The following FOXP2 variants were observed in gnomAD, a reference collection of about 807,000 sequenced individuals.
FOXP2 encodes the protein forkhead box P2.
Under a neutral mutation model 115.8 loss-of-function variants are expected in FOXP2, and 12 were observed. That is an observed-to-expected ratio of 0.10 (90% CI 0.07 to 0.17). The LOEUF is 0.17. Among genes scored for constraint, FOXP2 ranks in the 10% least tolerant of loss-of-function variants. The pLI, the probability that FOXP2 is intolerant of heterozygous loss-of-function variation, is 1.00. For missense variants in FOXP2, 629 were observed against 843.5 expected, an observed-to-expected ratio of 0.75 and a Z score of 3.15; for synonymous variants, 328 against 297.7, an observed-to-expected ratio of 1.10 and a Z score of -1.05.
At chr7:114,575,598 ACT>A (rs746064612) in intron 3 of FOXP2, among the ~76,000 whole-genome samples, 6 of 151,872 alleles carry the variant, frequency 4.0e-5, no homozygotes, top group Admixed American at 2.0e-4. Flanking sequence ...AAGAGACAGA[ACT>A]CTGCCTCACC....
chr7:114,249,507 T>G (rs1727844382), intron 1 of FOXP2, among the ~76,000 whole-genome samples: 1 of 152,168 alleles, frequency 6.6e-6, no homozygotes, highest in African/African-American at 2.4e-5. Flanking sequence ...GGATAATGGC[T>G]TCCAGCTCCA....
At chr7:114,468,082 A>G (rs972481962) in intron 2 of FOXP2, among the ~76,000 whole-genome samples, 2 of 152,272 alleles carry the variant, frequency 1.3e-5, no homozygotes, top group South Asian at 4.2e-4. Flanking sequence ...ATCTCTACCC[A>G]AAGCTTCATG....
chr7:114,504,609 GA>G (rs1412947778), intron 2 of FOXP2, among the ~76,000 whole-genome samples: 1 of 151,434 alleles, frequency 6.6e-6, no homozygotes, highest in Non-Finnish European at 1.5e-5. Flanking sequence ...TAAAATATTT[GA>G]GAAGAGGCTG....
At position 114,658,396 on chromosome 7, in the gene FOXP2, T is replaced by C; in HGVS notation, c.1468+129T>C. ...ATGATTTATGGAGTGATAATTGTTT[T>C]ATTCCTGGTAAATGCGAATAGGGGC... On this transcript the variant is annotated intron_variant, in intron 11 of 16. Coordinates refer to ENST00000350908, the MANE Select transcript of FOXP2 (RefSeq NM_014491.4). 3 of 979,022 alleles carry C rather than the reference T, an allele frequency of 3.1e-6. No homozygotes were observed. The South Asian group carries it at 4.1e-5, about 14-fold the overall frequency. The allele number at this position is 979,022 out of a possible 1,614,324, so 60.6% of individuals were successfully genotyped here.
chr7:114,103,842 T>C (rs1025226210), intron 1 of FOXP2, among the ~76,000 whole-genome samples: 3 of 152,086 alleles, frequency 2.0e-5, no homozygotes, highest in African/African-American at 4.8e-5. Context: ...ATAAGGATTT[T>C]GTGATTTTTG....
In FOXP2 at chr7:114,529,669, CTAAT is replaced by C. The variant is rs1473402601; in HGVS notation, c.169-4945_169-4942del. On this transcript the variant is annotated intron_variant, in intron 2 of 16. Coordinates refer to ENST00000350908, the MANE Select transcript of FOXP2 (RefSeq NM_014491.4). ...ATAATTAGCTTTTAAAACAAACAGT[CTAAT>C]TATGTATCAGGCATGAAAAAATAAA... Among the ~76,000 whole-genome samples the C allele has an allele frequency of 2.6e-5, 4 of 151,670 alleles. No individual in the cohort carries two copies. The East Asian group carries it at 5.8e-4, about 22-fold the overall frequency.
intron 3 of FOXP2, among the ~76,000 whole-genome samples, chr7:114,552,383 T>A (rs1800252370): frequency 6.6e-6 from 1 of 152,204 alleles, no homozygotes; most frequent in Admixed American, 6.5e-5. Flanking sequence ...CTCATTGCCT[T>A]TTTCTGTCAA....
chr7:114,570,116 G>T (rs1276929174), intron 3 of FOXP2, among the ~76,000 whole-genome samples: 2 of 151,824 alleles, frequency 1.3e-5, no homozygotes, highest in Non-Finnish European at 2.9e-5. Context: ...GACATTCCAT[G>T]TCATTTATCA....
intron 1 of FOXP2, among the ~76,000 whole-genome samples, chr7:114,111,089 T>A (rs1349669021): frequency 6.6e-6 from 1 of 152,210 alleles, no homozygotes; most frequent in East Asian, 1.9e-4. Flanking sequence ...CTGTTAAGGA[T>A]CTGCTGTATT....
chr7:114,513,897 T>C (rs1798196404), intron 2 of FOXP2, among the ~76,000 whole-genome samples: 2 of 152,124 alleles, frequency 1.3e-5, no homozygotes, highest in Non-Finnish European at 2.9e-5. Context: ...TGTTGCCTAT[T>C]TTAAAGCAAA....
intron 8 of FOXP2, among the ~76,000 whole-genome samples, chr7:114,648,325 G>T (rs1806036323): frequency 6.6e-6 from 1 of 152,000 alleles, no homozygotes; most frequent in African/African-American, 2.4e-5. Flanking sequence ...AATAGTGACA[G>T]CTAACATTTT....
chr7:114,150,789 G>C (rs1410766874), intron 1 of FOXP2, among the ~76,000 whole-genome samples: 1 of 151,544 alleles, frequency 6.6e-6, no homozygotes, highest in African/African-American at 2.4e-5. Flanking sequence ...TCTCTCTTTG[G>C]CTGAACTATG....
At position 114,677,187 on chromosome 7, in the gene FOXP2, C is replaced by CA. The variant is rs1013070656; in HGVS notation, c.2004-12587dup. 3.6e-4 allele frequency among the ~76,000 whole-genome samples: 48 copies of CA among 134,196 alleles called. 1 individual carries two copies. Among genetic ancestry groups the CA allele is most frequent in the East Asian group, 4.2e-4 (2 of 4,768 alleles). 88.0% of individuals were successfully genotyped at this position (134,196 alleles called of 152,430 possible). A position where few individuals can be genotyped will look rare whatever the true frequency, so the allele number is the denominator to read the frequency against. ...TCTCAAAAAACAAAAAAAAAAAAAA[C>CA]AAAAAAAACAAACTTAAGACTTAAA... is the stretch of plus-strand genomic sequence containing the variant. On this transcript the variant is annotated intron_variant, in intron 16 of 16. Coordinates refer to ENST00000350908, the MANE Select transcript of FOXP2 (RefSeq NM_014491.4).
intron 2 of FOXP2, among the ~76,000 whole-genome samples, chr7:114,323,978 A>T (rs1343487487): frequency 1.3e-5 from 2 of 151,880 alleles, no homozygotes; most frequent in African/African-American, 4.8e-5. Context: ...GTCAATCCAT[A>T]TGCCTATCAA....
chr7:114,610,890 C>T (rs919192050), intron 3 of FOXP2, among the ~76,000 whole-genome samples: 1 of 152,054 alleles, frequency 6.6e-6, no homozygotes, highest in Non-Finnish European at 1.5e-5. Flanking sequence ...CTGCCTCAGC[C>T]GTCCAAGTTG....
At chr7:114,380,305 T>A (rs924636925) in intron 2 of FOXP2, among the ~76,000 whole-genome samples, 1 of 152,216 alleles carries the variant, frequency 6.6e-6, no homozygotes, top group African/African-American at 2.4e-5. Context: ...TTAGAGTCTG[T>A]ATATATATTT....
chr7:114,625,839 T>C (rs1804542097), intron 3 of FOXP2, among the ~76,000 whole-genome samples: 1 of 151,818 alleles, frequency 6.6e-6, no homozygotes, highest in African/African-American at 2.4e-5. Context: ...GAGATGATAG[T>C]ATTACTTTAT....
chr7:114,591,095 T>A (rs1043463621), intron 3 of FOXP2, among the ~76,000 whole-genome samples: 16 of 152,160 alleles, frequency 1.1e-4, no homozygotes, highest in African/African-American at 3.9e-4. Context: ...CCTAAAAATA[T>A]TGCTTTATGT....
At chr7:114,270,214 A>G (rs1170737553) in intron 1 of FOXP2, among the ~76,000 whole-genome samples, 3 of 152,188 alleles carry the variant, frequency 2.0e-5, no homozygotes, top group Admixed American at 2.0e-4. Flanking sequence ...TTATTTATCC[A>G]ATTACCTACT....
Sources: gnomAD v4.1 joint callset for allele counts (sites outside exome capture counted in the v4.1 genomes callset) on GRCh38, gnomAD v4.1.1 for gene constraint, MANE v1.5 for transcripts, NCBI Gene and HGNC (gene_info 2026-07-23, HGNC 2026-07-21) for gene names.